Variants in PDZD2 observed in about 807,000 individuals in gnomAD.
PDZD2 encodes the protein PDZ domain-containing protein 2.
In PDZD2, 90 loss-of-function variants were observed where a neutral mutation model predicts 220.7. That is an observed-to-expected ratio of 0.41 (90% CI 0.34 to 0.49). PDZD2 has a LOEUF of 0.49. Among genes scored for constraint, PDZD2 ranks in the 20% least tolerant of loss-of-function variants. The probability of loss-of-function intolerance (pLI) is 0.28; values close to 1 mark genes in which losing one functional copy is unlikely to be tolerated. For synonymous variants in PDZD2, 1,375 were observed against 1,450.5 expected (o/e 0.95, Z 1.18); for missense variants, 3,174 against 3,608.5 (o/e 0.88, Z 3.08).
At chr5:31,766,814 C>A (rs1166664271) in intron 1 of PDZD2, among the ~76,000 whole-genome samples, 2 of 151,688 alleles carry the variant, frequency 1.3e-5, no homozygotes, top group Admixed American at 1.3e-4. Flanking sequence ...ACTGCAACCT[C>A]TGCCTCCTGG....
chr5:31,763,870 T>TAAAAAAAAA (rs67321443), intron 1 of PDZD2, among the ~76,000 whole-genome samples: 2 of 137,536 alleles, frequency 1.5e-5, no homozygotes, highest in African/African-American at 5.4e-5. Flanking sequence ...GCCCTCTGAT[T>TAAAAAAAAA]AAAAAAAAAA....
In PDZD2 at chr5:32,074,652, CT is replaced by C. The variant is rs745805690; in HGVS notation, c.3537+12del. 3.8e-6 allele frequency: 6 copies of C among 1,571,814 alleles called. No individual in the cohort carries two copies. The East Asian group carries it at 1.1e-4, about 29-fold the overall frequency. Reference sequence around the variant, plus strand: ...GTGGAGCTGTGGAGAAGGTAACTGACTTTCTCTTAGTTACTTGGAATGGAAG... The same window carrying C: ...GTGGAGCTGTGGAGAAGGTAACTGACTTCTCTTAGTTACTTGGAATGGAAG... On this transcript the variant is annotated intron_variant, in intron 18 of 24. Transcript: ENST00000438447.
intron 1 of PDZD2, among the ~76,000 whole-genome samples, chr5:31,670,931 C>G (rs1428861234): frequency 1.3e-5 from 2 of 152,098 alleles, no homozygotes; most frequent in Non-Finnish European, 2.9e-5. Flanking sequence ...AATTGCCCCA[C>G]CAAGACCCCT....
At chr5:31,731,172 T>G (rs1178360198) in intron 1 of PDZD2, among the ~76,000 whole-genome samples, 1 of 152,136 alleles carries the variant, frequency 6.6e-6, no homozygotes, top group Non-Finnish European at 1.5e-5. Context: ...TTTTTGTTGA[T>G]GTTGTTTTGC....
chr5:31,671,568 G>A (rs1409274389), intron 1 of PDZD2, among the ~76,000 whole-genome samples: 1 of 152,130 alleles, frequency 6.6e-6, no homozygotes, highest in Non-Finnish European at 1.5e-5. Context: ...CCAGTCCCAC[G>A]GCCCCCCACA....
chr5:31,862,105 T>C (rs1012052047), intron 2 of PDZD2, among the ~76,000 whole-genome samples: 1 of 135,062 alleles, frequency 7.4e-6, no homozygotes, highest in African/African-American at 2.9e-5. Context: ...TTTTGGGTTT[T>C]TTTTTTTTTT....
At chr5:31,900,071 A>G (rs982766876) in intron 2 of PDZD2, among the ~76,000 whole-genome samples, 1 of 152,212 alleles carries the variant, frequency 6.6e-6, no homozygotes, top group African/African-American at 2.4e-5. Context: ...GCGCTGACAT[A>G]ATGCCTGGCA....
chr5:31,689,441 C>T (rs954660312), intron 1 of PDZD2, among the ~76,000 whole-genome samples: 8 of 146,108 alleles, frequency 5.5e-5, no homozygotes, highest in Non-Finnish European at 1.0e-4. Flanking sequence ...GAGATCTGCC[C>T]GCCTTGGCCT....
chr5:31,661,785 G>GT (rs5867089), intron 1 of PDZD2, among the ~76,000 whole-genome samples: 6,621 of 141,782 alleles, frequency 0.047, 467 homozygotes, highest in African/African-American at 0.16. Flanking sequence ...TCCTCCCTTG[G>GT]TTTTTTTTTT....
At chr5:31,991,845 A>G (rs1206330485) in intron 3 of PDZD2, among the ~76,000 whole-genome samples, 2 of 152,196 alleles carry the variant, frequency 1.3e-5, no homozygotes, top group Non-Finnish European at 2.9e-5. Context: ...CCTGGCCAAT[A>G]TGGTGAAACC....
At chr5:31,709,818 T>C (rs1748004743) in intron 1 of PDZD2, among the ~76,000 whole-genome samples, 1 of 152,046 alleles carries the variant, frequency 6.6e-6, no homozygotes, top group African/African-American at 2.4e-5. Context: ...TAACCTGGCA[T>C]GGTGGCACAC....
At chr5:31,947,174 G>A (rs1441690253) in intron 2 of PDZD2, among the ~76,000 whole-genome samples, 1 of 152,168 alleles carries the variant, frequency 6.6e-6, no homozygotes, top group African/African-American at 2.4e-5. Flanking sequence ...AGGTACATTG[G>A]ATCTACAAAG....
intron 19 of PDZD2, among the ~76,000 whole-genome samples, chr5:32,086,769 C>A (rs1052874470): frequency 1.3e-5 from 2 of 151,920 alleles, no homozygotes; most frequent in Admixed American, 6.6e-5. Flanking sequence ...CTCCACCTCC[C>A]AGGTTCAAGC....
chr5:32,065,804 C>T (rs1221402426), intron 14 of PDZD2, among the ~76,000 whole-genome samples: 3 of 152,316 alleles, frequency 2.0e-5, no homozygotes, highest in East Asian at 1.9e-4. Context: ...GCGGGTGGAT[C>T]GCCTGCGATC....
At chr5:31,776,773 C>T (rs536100602) in intron 1 of PDZD2, among the ~76,000 whole-genome samples, 5 of 151,080 alleles carry the variant, frequency 3.3e-5, no homozygotes, top group South Asian at 2.1e-4. Flanking sequence ...CTCAGCTTCC[C>T]GAGTAGCTGG....
At chr5:31,919,702 A>T (rs1487380617) in intron 2 of PDZD2, among the ~76,000 whole-genome samples, 2 of 38,204 alleles carry the variant, frequency 5.2e-5, no homozygotes, top group Admixed American at 3.2e-4. Flanking sequence ...AGCAAAATTG[A>T]TAAAGAAAAA....
intron 1 of PDZD2, among the ~76,000 whole-genome samples, chr5:31,792,882 A>C (rs892007037): frequency 2.0e-5 from 3 of 152,010 alleles, no homozygotes; most frequent in Non-Finnish European, 2.9e-5. Context: ...TGTCTTGCCC[A>C]GGCTGGAGTG....
chr5:31,799,693 C>G lies in PDZD2; in HGVS notation c.445C>G (p.Leu149Val), dbSNP rs1754274932. The change falls in exon 2 of 25, where the codon CTG becomes GTG. Residue 149 changes from leucine to valine, a missense_variant. Leu to Val is a conservative substitution (Grantham distance 32). Transcript: ENST00000438447. ...TGAGATCCTCTCACTGAATGGGCAG[C>G]TGATGGTTGGAGTTGATGTCAGTGG... ...RDEILSLNGQ[L>V]MVGVDVSGAS... is the part of the protein sequence containing the mutation. 1.1e-5 allele frequency: 18 copies of G among 1,613,720 alleles called. No individual in the cohort carries two copies. The highest frequency in any genetic ancestry group is 1.5e-5 in the Non-Finnish European group (18 of 1,179,772).
chr5:31,841,550 G>A (rs1757305057), intron 2 of PDZD2, among the ~76,000 whole-genome samples: 1 of 152,160 alleles, frequency 6.6e-6, no homozygotes, highest in African/African-American at 2.4e-5. Context: ...GCGGGCGCCT[G>A]TAGTCCCAGC....
Sources: gnomAD v4.1 joint callset for allele counts (sites outside exome capture counted in the v4.1 genomes callset) on GRCh38, gnomAD v4.1.1 for gene constraint, MANE v1.5 for transcripts, NCBI Gene and HGNC (gene_info 2026-07-23, HGNC 2026-07-21) for gene names.